Variants in DYRK1A observed in about 807,000 individuals in gnomAD.
DYRK1A encodes the protein dual specificity tyrosine phosphorylation regulated kinase 1A, also known as dual specificity tyrosine-phosphorylation-regulated kinase 1A.
Under a neutral mutation model 79.7 loss-of-function variants are expected in DYRK1A, and 9 were observed. The observed-to-expected ratio is 0.11, with a 90% CI of 0.07 to 0.20. DYRK1A has a LOEUF of 0.20. DYRK1A is among the 10% of genes least tolerant of loss of function. DYRK1A has a pLI of 1.00. For synonymous variants in DYRK1A, 349 were observed against 329.7 expected (o/e 1.06, Z -0.63); for missense variants, 622 against 956.0 (o/e 0.65, Z 4.61).
At chr21:37,403,625 T>C (rs1165212013) in intron 1 of DYRK1A, among the ~76,000 whole-genome samples, 1 of 126,358 alleles carries the variant, frequency 7.9e-6, no homozygotes, top group African/African-American at 3.2e-5. Flanking sequence ...CCCACTATGC[T>C]CAGCTAATTA....
At chr21:37,415,554 T>A (rs1243234238) in intron 1 of DYRK1A, 1 of 152,082 alleles carries the variant, frequency 6.6e-6, no homozygotes, top group East Asian at 1.9e-4. Flanking sequence ...AGCCTTGACT[T>A]CCTGGAATCA....
chr21:37,519,959 A>T lies in DYRK1A; in HGVS notation c.*7428A>T, dbSNP rs552835911. 10 of 151,962 alleles carry T rather than the reference A, an allele frequency of 6.6e-5. No individual in the cohort carries two copies. Among genetic ancestry groups the T allele is most frequent in the Non-Finnish European group, 1.3e-4 (9 of 68,020 alleles). 9.4% of individuals were successfully genotyped at this position (151,962 alleles called of 1,614,324 possible). On this transcript the variant is annotated 3_prime_UTR_variant, in exon 12 of 12. Transcript: ENST00000647188. ...ATGGGGTTTCACCATGTTAGGCAGG[A>T]TGGTCTCAGTCTCCTGACCTTGTGA...
At chr21:37,466,044 A>G (rs2052014531) in intron 2 of DYRK1A, among the ~76,000 whole-genome samples, 1 of 152,238 alleles carries the variant, frequency 6.6e-6, no homozygotes, top group Non-Finnish European at 1.5e-5. Context: ...CACTCAATCT[A>G]GATTCAAAAA....
intron 9 of DYRK1A, among the ~76,000 whole-genome samples, chr21:37,500,774 T>C (rs534036103): frequency 6.6e-6 from 1 of 152,098 alleles, no homozygotes; most frequent in African/African-American, 2.4e-5. Context: ...TACTATAATT[T>C]TTTTTTAATA....
intron 1 of DYRK1A, among the ~76,000 whole-genome samples, chr21:37,392,444 A>G (rs1270452985): frequency 1.3e-5 from 2 of 152,278 alleles, no homozygotes; most frequent in Admixed American, 1.3e-4. Context: ...CTCTAACAAA[A>G]TACCTTGGAC....
At chr21:37,376,175 G>C (rs937453413) in intron 1 of DYRK1A, among the ~76,000 whole-genome samples, 1 of 152,154 alleles carries the variant, frequency 6.6e-6, no homozygotes, top group Admixed American at 6.5e-5. Flanking sequence ...TTGGAAAGGA[G>C]GGAAGAACAC....
chr21:37,391,621 T>A lies in DYRK1A; in HGVS notation c.-77+23993T>A, dbSNP rs1283517290. ...TCCTTAACCCCTTGTTTACCTGCTC[T>A]GTTCCTGATTGGGCTGTTCTACAGC... On this transcript the variant is annotated intron_variant, in intron 1 of 11. Transcript: ENST00000647188. 2.0e-5 allele frequency among the ~76,000 whole-genome samples: 3 copies of A among 152,260 alleles called. No individual in the cohort carries two copies. The East Asian group carries it at 5.8e-4, about 29-fold the overall frequency.
rs115962489 is a variant in DYRK1A at position 37,408,102 on chromosome 21, T to C, written c.-76-12197T>C. 9.0e-3 allele frequency among the ~76,000 whole-genome samples: 1,374 copies of C among 152,354 alleles called. 19 individuals carry two copies. The highest frequency in any genetic ancestry group is 0.032 in the African/African-American group (1,319 of 41,586). On this transcript the variant is annotated intron_variant, in intron 1 of 11. Transcript: ENST00000647188. ...CATGAATAATAGTTGCTCAAGCTAT[T>C]TTAACCCTTTTCCCTTTCCCAGAAG...
At chr21:37,381,773 A>G (rs1301869930) in intron 1 of DYRK1A, among the ~76,000 whole-genome samples, 5 of 152,174 alleles carry the variant, frequency 3.3e-5, no homozygotes, top group African/African-American at 4.8e-5. Context: ...GAGTGAGTAC[A>G]CTTTGAGTGA....
intron 6 of DYRK1A, 126 bp downstream of exon 6, chr21:37,486,740 G>A: frequency 1.0e-6 from 1 of 964,802 alleles, no homozygotes; most frequent in Non-Finnish European, 1.4e-6. Context: ...GTTTATTTCT[G>A]TTGGACAGCA....
chr21:37,488,293 A>G, intron 6 of DYRK1A: 1 of 957,134 alleles, frequency 1.0e-6, no homozygotes, highest in Non-Finnish European at 1.2e-6. Flanking sequence ...TGTTTGGAAA[A>G]CAAAAGAACT....
At chr21:37,473,802 C>T (rs910476525) in intron 3 of DYRK1A, among the ~76,000 whole-genome samples, 3 of 137,690 alleles carry the variant, frequency 2.2e-5, no homozygotes, top group South Asian at 4.7e-4. Context: ...ACAGTTAAAT[C>T]GTTACAATAA....
intron 2 of DYRK1A, among the ~76,000 whole-genome samples, chr21:37,445,893 C>T (rs1246388341): frequency 2.0e-5 from 3 of 152,174 alleles, no homozygotes; most frequent in Non-Finnish European, 4.4e-5. Flanking sequence ...CCTGTAATCC[C>T]AGCACTTTGG....
intron 1 of DYRK1A, among the ~76,000 whole-genome samples, chr21:37,373,704 T>C (rs1249324678): frequency 6.6e-6 from 1 of 152,204 alleles, no homozygotes; most frequent in Non-Finnish European, 1.5e-5. Context: ...GGAAGTTGCA[T>C]ACATGATTTT....
chr21:37,445,626 A>G (rs985838678), intron 2 of DYRK1A, among the ~76,000 whole-genome samples: 1 of 152,168 alleles, frequency 6.6e-6, no homozygotes, highest in African/African-American at 2.4e-5. Flanking sequence ...CAAATGAGCA[A>G]ATACATCTGT....
intron 9 of DYRK1A, chr21:37,503,397 T>C (rs139603524): frequency 6.2e-4 from 94 of 152,378 alleles, no homozygotes; most frequent in African/African-American, 1.9e-3. Flanking sequence ...CAGTCTGTTG[T>C]TGAATCCATT....
At chr21:37,426,237 C>T (rs1425265603) in intron 2 of DYRK1A, among the ~76,000 whole-genome samples, 3 of 152,232 alleles carry the variant, frequency 2.0e-5, no homozygotes, top group South Asian at 2.1e-4. Flanking sequence ...GAAGAGAACT[C>T]TTATTGAAGT....
rs1569362041 is a variant in DYRK1A, at chr21:37,479,599, TGTTTTTGTTTTTG to T, written c.301-1038_301-1026del. The stretch of plus-strand genomic sequence containing the variant: ...AGAAACAGTGTTGGTGTTTTGTTTT[TGTTTTTGTTTTTG>T]TTTTTTGTTTTTTTTTTTTTTTTTG... On this transcript the variant is annotated intron_variant, in intron 4 of 11. Transcript: ENST00000647188. Among the ~76,000 whole-genome samples, 494 of 77,078 alleles carry T rather than the reference TGTTTTTGTTTTTG, an allele frequency of 6.4e-3. 5 individuals carry two copies. The highest frequency in any genetic ancestry group is 0.029 in the African/African-American group (475 of 16,420). 50.6% of individuals were successfully genotyped at this position (77,078 alleles called of 152,430 possible). A position where few individuals can be genotyped will look rare whatever the true frequency, so the allele number is the denominator to read the frequency against.
intron 1 of DYRK1A, among the ~76,000 whole-genome samples, chr21:37,412,178 T>G (rs2050257501): frequency 6.6e-6 from 1 of 152,046 alleles, no homozygotes; most frequent in Non-Finnish European, 1.5e-5. Context: ...AAGGGGCAAA[T>G]TTCAGGTAGA....
Sources: allele counts gnomAD v4.1 joint callset (sites outside exome capture counted in the v4.1 genomes callset), GRCh38; gene constraint gnomAD v4.1.1; transcripts MANE v1.5; gene names NCBI Gene and HGNC (gene_info 2026-07-23, HGNC 2026-07-21).